Variants in NRXN3 observed in about 807,000 individuals in gnomAD.
NRXN3 encodes neurexin 3.
NRXN3 carries 32 observed loss-of-function variants against 137.6 expected under a neutral mutation model. That is an observed-to-expected ratio of 0.23 (90% CI 0.18 to 0.31). The LOEUF is 0.31. Among genes scored for constraint, NRXN3 ranks in the 10% least tolerant of loss-of-function variants. The pLI, the probability that NRXN3 is intolerant of heterozygous loss-of-function variation, is 1.00. For synonymous variants in NRXN3, 798 were observed against 784.5 expected (o/e 1.02, Z -0.29); for missense variants, 1,574 against 2,062.5 (o/e 0.76, Z 4.59).
chr14:78,808,772 G>A (rs575181526), intron 9 of NRXN3, among the ~76,000 whole-genome samples: 1 of 151,986 alleles, frequency 6.6e-6, no homozygotes, highest in Non-Finnish European at 1.5e-5. Context: ...GCTATAAATC[G>A]CTCCTCTCCA....
chr14:79,317,816 G>A (rs2089171035), intron 15 of NRXN3, among the ~76,000 whole-genome samples: 1 of 152,088 alleles, frequency 6.6e-6, no homozygotes, highest in Non-Finnish European at 1.5e-5. Flanking sequence ...AGCACATTTA[G>A]TGTATAAATA....
chr14:78,430,956 A>G (rs546229381), intron 4 of NRXN3, among the ~76,000 whole-genome samples: 242 of 152,342 alleles, frequency 1.6e-3, no homozygotes, highest in African/African-American at 5.6e-3. Context: ...GTCCAATGCT[A>G]TTAGCATCTG....
intron 4 of NRXN3, among the ~76,000 whole-genome samples, chr14:78,357,841 A>G (rs2084546093): frequency 6.6e-6 from 1 of 152,234 alleles, no homozygotes; most frequent in South Asian, 2.1e-4. Context: ...TGTCAATTGT[A>G]TGTTAACAAT....
intron 15 of NRXN3, chr14:79,248,562 T>C (rs2075521827): frequency 1.3e-5 from 2 of 152,180 alleles, no homozygotes; most frequent in Non-Finnish European, 2.9e-5. Context: ...TTATCCTTTT[T>C]GAAGCACCTA....
chr14:78,647,576 T>A (rs1317390545), intron 5 of NRXN3, among the ~76,000 whole-genome samples: 2 of 152,232 alleles, frequency 1.3e-5, no homozygotes, highest in African/African-American at 4.8e-5. Context: ...TGCAATTCTC[T>A]GTTCTAGACA....
intron 15 of NRXN3, among the ~76,000 whole-genome samples, chr14:79,007,227 C>A (rs540540249): frequency 2.3e-3 from 352 of 152,234 alleles, no homozygotes; most frequent in Non-Finnish European, 4.2e-3. Flanking sequence ...TGAGAATTAA[C>A]CAAGCATCTA....
intron 4 of NRXN3, among the ~76,000 whole-genome samples, chr14:78,579,355 A>G (rs532038860): frequency 5.9e-5 from 9 of 152,266 alleles, no homozygotes; most frequent in African/African-American, 2.2e-4. Flanking sequence ...GATTCAGTGA[A>G]TATCTCCCTT....
intron 15 of NRXN3, among the ~76,000 whole-genome samples, chr14:79,011,851 G>A (rs1028719765): frequency 1.3e-5 from 2 of 152,146 alleles, no homozygotes; most frequent in African/African-American, 2.4e-5. Context: ...AAGGAACAAT[G>A]TTTTAAACAT....
At chr14:78,305,837 C>T (rs1161539766) in intron 4 of NRXN3, among the ~76,000 whole-genome samples, 1 of 152,050 alleles carries the variant, frequency 6.6e-6, no homozygotes, top group Non-Finnish European at 1.5e-5. Context: ...AATATAAAAT[C>T]GCTTTGTTTT....
At chr14:79,259,642 G>T (rs1358736973) in intron 15 of NRXN3, among the ~76,000 whole-genome samples, 1 of 140,144 alleles carries the variant, frequency 7.1e-6, no homozygotes, top group Non-Finnish European at 1.5e-5. Context: ...TATATATATA[G>T]TTATCTATAT....
At chr14:79,054,317 A>G (rs1483754017) in intron 15 of NRXN3, among the ~76,000 whole-genome samples, 1 of 152,152 alleles carries the variant, frequency 6.6e-6, no homozygotes, top group East Asian at 1.9e-4. Context: ...TATAAAAGAA[A>G]AAAAGAATTA....
chr14:78,693,436 C>A (rs2098192744), intron 6 of NRXN3, among the ~76,000 whole-genome samples: 1 of 151,802 alleles, frequency 6.6e-6, no homozygotes, highest in South Asian at 2.1e-4. Flanking sequence ...CCCCACTGCT[C>A]AAATACCTGC....
intron 10 of NRXN3, among the ~76,000 whole-genome samples, chr14:78,921,572 A>G (rs2099271012): frequency 3.9e-5 from 6 of 152,174 alleles, no homozygotes; most frequent in Admixed American, 3.9e-4. Flanking sequence ...TGACATGGTG[A>G]TGGTCAAAGA....
Position 79,387,806 on chromosome 14 carries a change from G to A in NRXN3, c.3263-79415G>A, listed in dbSNP as rs577155010. Among the ~76,000 whole-genome samples, 126 of 152,024 alleles carry A rather than the reference G, an allele frequency of 8.3e-4. 1 individual carries two copies. Among genetic ancestry groups the A allele is most frequent in the Non-Finnish European group, 1.3e-3 (86 of 67,974 alleles). Reference sequence around the variant, plus strand: ...AGGATGAGTTCATGTCCTTTGTAGCGACATGGATGAAGCTGGAAACCATCA... The same window carrying A: ...AGGATGAGTTCATGTCCTTTGTAGCAACATGGATGAAGCTGGAAACCATCA... On this transcript the variant is annotated intron_variant, in intron 15 of 20. Coordinates refer to ENST00000335750, the MANE Select transcript of NRXN3 (RefSeq NM_001330195.2).
At chr14:79,055,620 G>C (rs1469067797) in intron 15 of NRXN3, among the ~76,000 whole-genome samples, 1 of 152,140 alleles carries the variant, frequency 6.6e-6, no homozygotes, top group East Asian at 1.9e-4. Context: ...CTCATTACGA[G>C]CAAGAGAGCA....
At chr14:79,665,753 C>G (rs1603393495) in intron 17 of NRXN3, among the ~76,000 whole-genome samples, 1 of 152,256 alleles carries the variant, frequency 6.6e-6, no homozygotes, top group Middle Eastern at 3.4e-3. Flanking sequence ...AAAGCCACAG[C>G]TATGTAACCA....
rs1567236199 is a variant in NRXN3 at position 78,314,995 on chromosome 14, T to TCCTTCCTTCCTTCCTTCCTTTC, written c.757+17135_757+17136insCCTTCCTTCCTTCCTTCCTTTC. Among the ~76,000 whole-genome samples, 4 of 20,004 alleles carry TCCTTCCTTCCTTCCTTCCTTTC rather than the reference T, an allele frequency of 2.0e-4. No individual in the cohort carries two copies. In the East Asian group the frequency reaches 3.9e-3, roughly 20 times the overall value. The allele number at this position is 20,004 out of a possible 152,430, so 13.1% of individuals were successfully genotyped here. On this transcript the variant is annotated intron_variant, in intron 4 of 20. Coordinates refer to ENST00000335750, the MANE Select transcript of NRXN3 (RefSeq NM_001330195.2). ...CCTTCCTTCCTTCCTTCCTTTCTCTTTCTTTCTTTCTTTCTTTTCTTTTTA... is the reference window on the plus strand; with the variant it reads ...CCTTCCTTCCTTCCTTCCTTTCTCTTCCTTCCTTCCTTCCTTCCTTTCTCTTTCTTTCTTTCTTTTCTTTTTA...
intron 15 of NRXN3, among the ~76,000 whole-genome samples, chr14:79,099,142 A>G (rs1340574087): frequency 2.6e-5 from 4 of 152,216 alleles, no homozygotes; most frequent in Non-Finnish European, 5.9e-5. Flanking sequence ...TGAGTAGGCA[A>G]CCATACAATA....
chr14:78,631,087 A>T lies in NRXN3; in HGVS notation c.758-14033A>T, dbSNP rs145171290. Among the ~76,000 whole-genome samples, 303 of 152,192 alleles carry T rather than the reference A, an allele frequency of 2.0e-3. 2 individuals are homozygous for T. The highest frequency in any genetic ancestry group is 6.9e-3 in the African/African-American group (286 of 41,522). On this transcript the variant is annotated intron_variant, in intron 4 of 20. Transcript: ENST00000335750. Reference sequence around the variant, plus strand: ...ATGTTCATTATAGTTGGTGTGGTCAACCTCCCATGAGATAATCATTCAGAT... The same window carrying T: ...ATGTTCATTATAGTTGGTGTGGTCATCCTCCCATGAGATAATCATTCAGAT...
Sources: allele counts gnomAD v4.1 joint callset (sites outside exome capture counted in the v4.1 genomes callset), GRCh38; gene constraint gnomAD v4.1.1; transcripts MANE v1.5; gene names NCBI Gene and HGNC (gene_info 2026-07-23, HGNC 2026-07-21).